The following CNIH3 variants were observed in gnomAD, a reference collection of about 807,000 sequenced individuals.
CNIH3 encodes protein cornichon homolog 3.
CNIH3 carries 14 observed loss-of-function variants against 24.1 expected under a neutral mutation model. The ratio of observed to expected loss-of-function variants is 0.58; its 90% CI spans 0.38 to 0.91. CNIH3 has a LOEUF of 0.91. Ranked by LOEUF, CNIH3 falls within the 40% of genes least tolerant of loss-of-function variation. The pLI is 0.00. For missense variants in CNIH3, 178 were observed against 196.8 expected, an observed-to-expected ratio of 0.90 and a Z score of 0.57; for synonymous variants, 68 against 73.8, an observed-to-expected ratio of 0.92 and a Z score of 0.40.
At chr1:224,695,471 G>A (rs1164253629) in intron 3 of CNIH3, among the ~76,000 whole-genome samples, 1 of 151,936 alleles carries the variant, frequency 6.6e-6, no homozygotes, top group African/African-American at 2.4e-5. Context: ...GGTTCAGCAG[G>A]TTTACAGAGA....
At chr1:224,508,307 C>A (rs1164515724) in intron 1 of CNIH3, among the ~76,000 whole-genome samples, 1 of 152,182 alleles carries the variant, frequency 6.6e-6, no homozygotes, top group East Asian at 1.9e-4. Flanking sequence ...AGGCTCAGAT[C>A]TGGGAGAGTT....
intron 1 of CNIH3, among the ~76,000 whole-genome samples, chr1:224,469,879 T>G (rs957249640): frequency 6.6e-6 from 1 of 152,216 alleles, no homozygotes; most frequent in African/African-American, 2.4e-5. Flanking sequence ...CTTTAATATT[T>G]TTTAAAGTCT....
intron 1 of CNIH3, among the ~76,000 whole-genome samples, chr1:224,471,124 T>C (rs567461129): frequency 9.2e-5 from 14 of 151,706 alleles, no homozygotes; most frequent in South Asian, 2.1e-4. Context: ...CTCAGCTCAC[T>C]GCAAGCTGGG....
intron 1 of CNIH3, among the ~76,000 whole-genome samples, chr1:224,518,503 T>A (rs7418904): frequency 6.7e-6 from 1 of 148,174 alleles, no homozygotes; most frequent in East Asian, 2.0e-4. Flanking sequence ...TTTGAAGCCT[T>A]TTTTTTTTTT....
rs369518337 is a variant in CNIH3, at chr1:224,617,190, G to A, written c.16G>A (p.Ala6Thr). The change falls in exon 1 of 6, where the codon GCT becomes ACT. Residue 6 changes from alanine (A) to threonine (T), a missense_variant. Transcript: ENST00000272133. ...TCCGCCGGCCATGGCCTTCACTTTC[G>A]CTGCGTTCTGCTACATGCTGTCTCT... is the stretch of plus-strand genomic sequence containing the variant. MAFTF[A>T]AFCYMLSLVL... The A allele has an allele frequency of 6.2e-6, 10 of 1,614,006 alleles. No homozygotes were observed. The highest frequency in any genetic ancestry group is 8.5e-6 in the Non-Finnish European group (10 of 1,180,000).
At chr1:224,643,461 G>C (rs1371950814) in intron 1 of CNIH3, among the ~76,000 whole-genome samples, 3 of 152,206 alleles carry the variant, frequency 2.0e-5, no homozygotes, top group Admixed American at 2.0e-4. Context: ...AGCCCAGTCG[G>C]CTTGTCTGGA....
intron 3 of CNIH3, among the ~76,000 whole-genome samples, chr1:224,701,063 AG>A (rs1687459520): frequency 6.6e-6 from 1 of 152,160 alleles, no homozygotes; most frequent in Non-Finnish European, 1.5e-5. Flanking sequence ...CTGGGGCTGA[AG>A]GAAGTGATGA....
chr1:224,618,129 A>C (rs896868072), intron 1 of CNIH3, among the ~76,000 whole-genome samples: 1 of 152,204 alleles, frequency 6.6e-6, no homozygotes, highest in Non-Finnish European at 1.5e-5. Context: ...GTACTGAGAG[A>C]GCGCGCAGGA....
chr1:224,498,807 C>T (rs1308492699), intron 1 of CNIH3, among the ~76,000 whole-genome samples: 1 of 152,188 alleles, frequency 6.6e-6, no homozygotes, highest in African/African-American at 2.4e-5. Flanking sequence ...GTCATCAGCC[C>T]AGTGCTGCAA....
chr1:224,474,886 TAAAAA>T (rs1553256179), intron 1 of CNIH3, among the ~76,000 whole-genome samples: 1 of 5,308 alleles, frequency 1.9e-4, no homozygotes, highest in Non-Finnish European at 8.2e-4. Flanking sequence ...AAAATAAAAA[TAAAAA>T]AAAGCCGGTC....
intron 3 of CNIH3, among the ~76,000 whole-genome samples, chr1:224,693,673 G>A (rs1687035738): frequency 6.6e-6 from 1 of 152,206 alleles, no homozygotes; most frequent in African/African-American, 2.4e-5. Flanking sequence ...CAGCATGGGG[G>A]GACTACAAAG....
At chr1:224,532,231 A>G (rs1018165900) in intron 2 of CNIH3, among the ~76,000 whole-genome samples, 1 of 152,144 alleles carries the variant, frequency 6.6e-6, no homozygotes, top group African/African-American at 2.4e-5. Context: ...TTCCCGTGCA[A>G]AGGCTCTAGA....
intron 1 of CNIH3, among the ~76,000 whole-genome samples, chr1:224,467,826 A>G (rs79847069): frequency 6.6e-6 from 1 of 150,898 alleles, no homozygotes; most frequent in African/African-American, 2.4e-5. Flanking sequence ...ATAGTTTTAC[A>G]TGGTATGTTT....
rs117795171 is a variant in CNIH3, at chr1:224,489,762, C to T, written n.204-25979C>T. 2.2e-3 allele frequency among the ~76,000 whole-genome samples: 330 copies of T among 152,168 alleles called. 2 individuals carry two copies. The highest frequency in any genetic ancestry group is 0.01 in the South Asian group (50 of 4,822). ...TTGTAAACAACAAACATTGATTTTT[C>T]GGTGCTGGAGGCTGGGAAGTCCAAA... On this transcript the variant is annotated intron_variant and non_coding_transcript_variant, in intron 1 of 5. Transcript: ENST00000471578.
At chr1:224,525,233 C>G (rs1678798761) in intron 2 of CNIH3, among the ~76,000 whole-genome samples, 1 of 152,212 alleles carries the variant, frequency 6.6e-6, no homozygotes, top group African/African-American at 2.4e-5. Context: ...GGGAAATGCA[C>G]AAACACTTCC....
At chr1:224,735,834 T>C (rs555597544) in intron 5 of CNIH3, among the ~76,000 whole-genome samples, 22 of 151,858 alleles carry the variant, frequency 1.4e-4, no homozygotes, top group African/African-American at 4.8e-4. Flanking sequence ...TTTTTTTAAT[T>C]TTAAAATTTT....
intron 1 of CNIH3, among the ~76,000 whole-genome samples, chr1:224,466,096 C>A (rs747609655): frequency 2.0e-5 from 3 of 152,144 alleles, no homozygotes; most frequent in African/African-American, 4.8e-5. Context: ...AGGGTTTAGT[C>A]AGATTTTACC....
chr1:224,439,543 A>T (rs1195877306), intron 1 of CNIH3, among the ~76,000 whole-genome samples: 1 of 131,382 alleles, frequency 7.6e-6, no homozygotes, highest in Non-Finnish European at 1.5e-5. Flanking sequence ...GGGCCGTATT[A>T]AAAAAAAAAA....
At chr1:224,448,942 C>T (rs553416277) in intron 1 of CNIH3, among the ~76,000 whole-genome samples, 15 of 150,412 alleles carry the variant, frequency 1.0e-4, no homozygotes, top group Admixed American at 4.0e-4. Flanking sequence ...CCCACTGACA[C>T]GAATCAGAAG....
Sources: allele counts gnomAD v4.1 joint callset (sites outside exome capture counted in the v4.1 genomes callset), GRCh38; gene constraint gnomAD v4.1.1; transcripts MANE v1.5; gene names NCBI Gene and HGNC (gene_info 2026-07-23, HGNC 2026-07-21).